Variants in BPIFC observed in about 807,000 individuals in gnomAD.
BPIFC encodes the protein BPI fold containing family C.
BPIFC carries 60 observed loss-of-function variants against 57.6 expected under a neutral mutation model. The ratio of observed to expected loss-of-function variants is 1.04; its 90% confidence interval spans 0.85 to 1.29. The LOEUF (loss-of-function observed/expected upper bound fraction) is 1.29, where lower values mean the gene tolerates loss of function less well. Ranked by LOEUF, BPIFC falls within the 50% of genes most tolerant of loss-of-function variation. BPIFC has a pLI of 0.00. For missense variants in BPIFC, 581 were observed against 600.5 expected, an observed-to-expected ratio of 0.97 and a Z score of 0.34; for synonymous variants, 243 against 224.5, an observed-to-expected ratio of 1.08 and a Z score of -0.74.
chr22:32,445,024 T>C (rs1350089062), intron 7 of BPIFC, among the ~76,000 whole-genome samples: 1 of 152,192 alleles, frequency 6.6e-6, no homozygotes, highest in Non-Finnish European at 1.5e-5. Flanking sequence ...AATAAGTAAA[T>C]TCTTGTTGGT....
At chr22:32,447,136 T>C (rs1400494088) in intron 5 of BPIFC, 76 bp downstream of exon 5, 11 of 1,430,976 alleles carry the variant, frequency 7.7e-6, no homozygotes, top group African/African-American at 1.4e-5. Context: ...GCCAAAAACA[T>C]TGGTGAATTT....
intron 2 of BPIFC, among the ~76,000 whole-genome samples, chr22:32,461,180 CT>C (rs1351349334): frequency 6.6e-6 from 1 of 152,184 alleles, no homozygotes; most frequent in Admixed American, 6.5e-5. Context: ...AGAGTATTGG[CT>C]CCTTACCCTT....
rs1933698731 is a variant in BPIFC at position 32,417,033 on chromosome 22, TG to T, written c.1324+51del. The T allele has an allele frequency of 2.9e-6, 4 of 1,380,350 alleles. No individual in the cohort carries two copies. In the African/African-American group the frequency reaches 5.7e-5, roughly 20 times the overall value. 85.5% of individuals were successfully genotyped at this position (1,380,350 alleles called of 1,614,324 possible). ...CAATCCCCAGTGCAGCCGATGCAGA[TG>T]TTAAATGTTAGCCGATGTTACAGTC... On this transcript the variant is annotated intron_variant, in intron 15 of 16. Coordinates refer to ENST00000300399, the MANE Select transcript of BPIFC (RefSeq NM_174932.3).
At position 32,436,346 on chromosome 22, in the gene BPIFC, AGAGGAGGAGGAG is replaced by A. The variant is rs1216074561; in HGVS notation, c.748-478_748-467del. On this transcript the variant is annotated intron_variant, in intron 9 of 16. Transcript: ENST00000300399. ...AGAAGAAGAAGAAGAAAGAAGAGGA[AGAGGAGGAGGAG>A]GAGGAGGAGGAGGAGGAGGAAGAGG... Among the ~76,000 whole-genome samples, 131 of 92,770 alleles carry A rather than the reference AGAGGAGGAGGAG, an allele frequency of 1.4e-3. 2 individuals carry two copies. Among genetic ancestry groups the A allele is most frequent in the African/African-American group, 3.7e-3 (117 of 32,048 alleles). 60.9% of individuals were successfully genotyped at this position (92,770 alleles called of 152,430 possible). A position where few individuals can be genotyped will look rare whatever the true frequency, so the allele number is the denominator to read the frequency against.
chr22:32,445,996 G>T lies in BPIFC; in HGVS notation c.375C>A (p.Phe125Leu), dbSNP rs1568955321. 6.2e-7 allele frequency: 1 copy of T among 1,613,882 alleles called. No individual in the cohort carries two copies. The highest frequency in any genetic ancestry group is 1.1e-5 in the South Asian group (1 of 91,058). ...ACAGATCAGCCCCTCCTGTGTCTTG[G>T]CTGTTTAAAGAAGTGCAAGGTTATC... is the stretch of plus-strand genomic sequence containing the variant. ...STDWGFESPL[F>L]QDTGGADLFL... Residue 125 changes from phenylalanine (F) to leucine (L), a missense_variant and splice_region_variant, in exon 6 of 17, where the codon TTC (phenylalanine) becomes TTA (leucine). Transcript: ENST00000300399.
intron 1 of BPIFC, among the ~76,000 whole-genome samples, chr22:32,464,055 G>A (rs1601491947): frequency 6.6e-6 from 1 of 152,152 alleles, no homozygotes; most frequent in African/African-American, 2.4e-5. Flanking sequence ...CTGAAATGGA[G>A]GCAAAAATAA....
intron 5 of BPIFC, chr22:32,446,860 C>G: frequency 1.1e-6 from 1 of 934,714 alleles, no homozygotes; most frequent in African/African-American, 1.8e-5. Flanking sequence ...CTTACTCCTG[C>G]AGATGGGGAA....
At chr22:32,424,741 CTCTTCTTCTTCCTCT>C (rs1569448228) in intron 13 of BPIFC, among the ~76,000 whole-genome samples, 51 of 44,220 alleles carry the variant, frequency 1.2e-3, no homozygotes, top group Non-Finnish European at 1.7e-3. Context: ...CTTCTTCTTC[CTCTTCTTCTTCCTCT>C]TCTTCTTCTT....
At chr22:32,436,346 AGAGGAGGAGGAGGAG>A (rs1216074561) in intron 9 of BPIFC, among the ~76,000 whole-genome samples, 1 of 92,686 alleles carries the variant, frequency 1.1e-5, no homozygotes, top group Non-Finnish European at 2.6e-5. Context: ...AAGAAGAGGA[AGAGGAGGAGGAGGAG>A]GAGGAGGAGG....
At chr22:32,442,808 T>C in intron 7 of BPIFC, 77 bp from the exon 8 acceptor site, 1 of 1,393,144 alleles carries the variant, frequency 7.2e-7, no homozygotes, top group Non-Finnish European at 1.0e-6. Context: ...GCCTAGACCC[T>C]GCAAACAAAG....
chr22:32,454,669 T>C (rs1934989918), intron 3 of BPIFC, among the ~76,000 whole-genome samples: 1 of 152,194 alleles, frequency 6.6e-6, no homozygotes, highest in African/African-American at 2.4e-5. Context: ...CCTATCCTTG[T>C]TGGGGATGAA....
chr22:32,424,993 G>A (rs759527379), intron 13 of BPIFC, among the ~76,000 whole-genome samples: 3 of 151,916 alleles, frequency 2.0e-5, no homozygotes, highest in Admixed American at 6.6e-5. Flanking sequence ...TGTTGGCCAG[G>A]CTGGTCTCGA....
chr22:32,416,688 C>T (rs144385644), intron 15 of BPIFC, among the ~76,000 whole-genome samples: 170 of 152,302 alleles, frequency 1.1e-3, no homozygotes, highest in African/African-American at 4.0e-3. Context: ...CCAGGATTGT[C>T]ATTCATGAAA....
intron 13 of BPIFC, among the ~76,000 whole-genome samples, chr22:32,420,272 C>T (rs769772904): frequency 4.7e-5 from 7 of 149,682 alleles, no homozygotes; most frequent in African/African-American, 7.4e-5. Flanking sequence ...GAGCAGAGAT[C>T]GCGCCACTGC....
rs370427363 is a variant in BPIFC at position 32,431,384 on chromosome 22, A to G, written c.1180T>C (p.Leu394=). 3 of 1,596,048 alleles carry G rather than the reference A, an allele frequency of 1.9e-6. No individual in the cohort carries two copies. Among genetic ancestry groups the G allele is most frequent in the African/African-American group, 2.7e-5 (2 of 73,792 alleles). ...AAGGAGCAGACCAGTCTTTGTCCCA[A>G]AATAACCAGGCCAACACTGGTACTA... ...VASTSVGLVI[L]GQRLVCSLSL... The change falls in exon 13 of 17, where the codon TTG becomes CTG. Residue 394 remains leucine (L), a synonymous_variant. Coordinates refer to ENST00000300399, the MANE Select transcript of BPIFC (RefSeq NM_174932.3).
rs780948561 is a variant in BPIFC at position 32,429,509 on chromosome 22, G to GTTTTTTTT, written c.1217+1830_1217+1837dup. On this transcript the variant is annotated intron_variant, in intron 13 of 16. Transcript: ENST00000300399. ...GCGTGAGCCATGGCAACTGGCCTTT[G>GTTTTTTTT]TTTTTTTTTTTTTTTTTTTTTTTTT... 1.1e-3 allele frequency among the ~76,000 whole-genome samples: 62 copies of GTTTTTTTT among 56,644 alleles called. 10 individuals carry two copies. Among genetic ancestry groups the GTTTTTTTT allele is most frequent in the East Asian group, 9.0e-3 (13 of 1,448 alleles). 37.2% of individuals were successfully genotyped at this position (56,644 alleles called of 152,430 possible). A position where few individuals can be genotyped will look rare whatever the true frequency, so the allele number is the denominator to read the frequency against.
rs547575021 is a variant in BPIFC at position 32,428,431 on chromosome 22, G to A, written c.1217+2916C>T. ...TTACAGGTGTGTGCCACCCTGCCCG[G>A]CCTCTCATGGGCTTTTAAAGTATTG... On this transcript the variant is annotated intron_variant, in intron 13 of 16. Coordinates refer to ENST00000300399, the MANE Select transcript of BPIFC (RefSeq NM_174932.3). Among the ~76,000 whole-genome samples, 8 of 152,014 alleles carry A rather than the reference G, an allele frequency of 5.3e-5. No individual in the cohort carries two copies. In the South Asian group the frequency reaches 1.7e-3, roughly 32 times the overall value.
At position 32,447,170 on chromosome 22, in the gene BPIFC, A is replaced by G. The variant is rs370612146; in HGVS notation, c.374+42T>C. The G allele has an allele frequency of 3.6e-5, 52 of 1,460,730 alleles. No individual in the cohort carries two copies. In the African/African-American group the frequency reaches 7.0e-4, roughly 20 times the overall value. 90.5% of individuals were successfully genotyped at this position (1,460,730 alleles called of 1,614,324 possible). On this transcript the variant is annotated intron_variant, in intron 5 of 16. Coordinates refer to ENST00000300399, the MANE Select transcript of BPIFC (RefSeq NM_174932.3). ...TTCTACATTTTCCGTTTTTGCTCAC[A>G]TTCTCCCAGAACAGCTGCAGACATT...
chr22:32,432,439 AG>A lies in BPIFC; in HGVS notation c.1082del (p.Pro361LeufsTer5). 6.2e-7 allele frequency: 1 copy of A among 1,614,140 alleles called. No individual in the cohort carries two copies. Among genetic ancestry groups the A allele is most frequent in the Non-Finnish European group, 8.5e-7 (1 of 1,180,040 alleles). ...LQPGNFTLDI[P>X]ASIMMLTQPK... ...GTTGGGTGAGCATCATGATGGAGGC[AG>A]GGATGTCCAGGGTGAAATTGCCTGG... is the stretch of plus-strand genomic sequence containing the variant. On this transcript the variant is annotated frameshift_variant, in exon 12 of 17. Coordinates refer to ENST00000300399, the MANE Select transcript of BPIFC (RefSeq NM_174932.3). LOFTEE classifies it high-confidence loss of function.
Sources: gnomAD v4.1 joint callset for allele counts (sites outside exome capture counted in the v4.1 genomes callset) on GRCh38, gnomAD v4.1.1 for gene constraint, MANE v1.5 for transcripts, NCBI Gene and HGNC (gene_info 2026-07-23, HGNC 2026-07-21) for gene names.